PCP4L1: variants seen among roughly 807,000 people sequenced by gnomAD.
PCP4L1 encodes Purkinje cell protein 4 like 1.
In PCP4L1, 9 loss-of-function variants were observed where a neutral mutation model predicts 9.6. That is an observed-to-expected ratio of 0.94 (90% CI 0.57 to 1.64). PCP4L1 has a LOEUF of 1.64. Ranked by LOEUF, PCP4L1 falls within the 40% of genes most tolerant of loss-of-function variation. The probability of loss-of-function intolerance (pLI) is 0.00; values close to 1 mark genes in which losing one functional copy is unlikely to be tolerated. For missense variants in PCP4L1, 81 were observed against 80.8 expected (o/e 1.00, Z -0.01); for synonymous variants, 31 against 28.2 (o/e 1.10, Z -0.31).
chr1:161,280,179 T>C (rs561752572), intron 1 of PCP4L1, among the ~76,000 whole-genome samples: 56 of 152,216 alleles, frequency 3.7e-4, no homozygotes, highest in Non-Finnish European at 6.2e-4. Flanking sequence ...TCTTGGATGA[T>C]GACCTTGTTA....
chr1:161,283,129 C>T (rs936612430), intron 1 of PCP4L1, among the ~76,000 whole-genome samples: 3 of 152,152 alleles, frequency 2.0e-5, no homozygotes, highest in African/African-American at 7.2e-5. Context: ...TTTCCTCTCT[C>T]CACTCCAACT....
intron 1 of PCP4L1, among the ~76,000 whole-genome samples, chr1:161,260,146 A>G (rs1403385888): frequency 6.6e-6 from 1 of 152,200 alleles, no homozygotes; most frequent in African/African-American, 2.4e-5. Flanking sequence ...CTGAAGGAAT[A>G]GGACCCTGGA....
In PCP4L1 at chr1:161,258,837, G is replaced by T; in HGVS notation, c.-138G>T. The T allele has an allele frequency of 1.5e-6, 2 of 1,322,660 alleles. No individual in the cohort carries two copies. The highest frequency in any genetic ancestry group is 2.5e-5 in the South Asian group (2 of 78,738). 81.9% of individuals were successfully genotyped at this position (1,322,660 alleles called of 1,614,324 possible). On this transcript the variant is annotated 5_prime_UTR_variant, in exon 1 of 3. Transcript: ENST00000504449. ...GCCAGCACCAGAGCAGCGGCTCTCC[G>T]CACTAACTCTCCTCTCCTGGTCAGC...
At position 161,284,390 on chromosome 1, in the gene PCP4L1, A is replaced by C; in HGVS notation, c.116A>C (p.Asp39Ala). 6.2e-7 allele frequency: 1 copy of C among 1,613,994 alleles called. No individual in the cohort carries two copies. Among genetic ancestry groups the C allele is most frequent in the South Asian group, 1.1e-5 (1 of 91,082 alleles). ...GAGGAGGAGGAGGAGATTGACATTGATCTGACAGCACCAGAAACAGAGAAG... is the reference window on the plus strand; with the variant it reads ...GAGGAGGAGGAGGAGATTGACATTGCTCTGACAGCACCAGAAACAGAGAAG... ...KAEEEEEIDI[D>A]LTAPETEKAA... is the part of the protein sequence containing the mutation. The change falls in exon 3 of 3, where the codon GAT (aspartate) becomes GCT (alanine). Residue 39 changes from aspartate (D) to alanine (A), a missense_variant. Transcript: ENST00000504449.
intron 1 of PCP4L1, among the ~76,000 whole-genome samples, chr1:161,265,542 G>T (rs539801622): frequency 4.6e-4 from 70 of 151,998 alleles, no homozygotes; most frequent in East Asian, 5.8e-4. Flanking sequence ...AAAGCAAGAA[G>T]ATGGGGAAGG....
intron 1 of PCP4L1, among the ~76,000 whole-genome samples, chr1:161,266,648 A>G (rs1329396815): frequency 6.6e-6 from 1 of 152,030 alleles, no homozygotes; most frequent in Non-Finnish European, 1.5e-5. Flanking sequence ...TTTAGGTTCT[A>G]TTTTTGTCTC....
Position 161,258,802 on chromosome 1 carries a change from A to G in PCP4L1, c.-173A>G, listed in dbSNP as rs1045401404. On this transcript the variant is annotated 5_prime_UTR_variant, in exon 1 of 3. Coordinates refer to ENST00000504449, the MANE Select transcript of PCP4L1 (RefSeq NM_001102566.2). ...CGCCTGGCCGGAGCTGGGCTCCGAG[A>G]ATCCCGGGTGCCAGCACCAGAGCAG... The G allele has an allele frequency of 1.2e-5, 13 of 1,052,078 alleles. No individual in the cohort carries two copies. The Middle Eastern group carries it at 1.0e-3, about 84-fold the overall frequency. The allele number at this position is 1,052,078 out of a possible 1,614,324, so 65.2% of individuals were successfully genotyped here.
Position 161,284,528 on chromosome 1 carries a change from C to T in PCP4L1, c.*47C>T, listed in dbSNP as rs1347409781. Reference sequence around the variant, plus strand: ...CTTCACCTTCATGCTGGTCCCTTCTCTCCCCTTCTCCACACCCATGTATCT... The same window carrying T: ...CTTCACCTTCATGCTGGTCCCTTCTTTCCCCTTCTCCACACCCATGTATCT... On this transcript the variant is annotated 3_prime_UTR_variant, in exon 3 of 3. Transcript: ENST00000504449. 6.3e-7 allele frequency: 1 copy of T among 1,587,938 alleles called. No individual in the cohort carries two copies. Among genetic ancestry groups the T allele is most frequent in the Non-Finnish European group, 8.6e-7 (1 of 1,166,678 alleles).
intron 1 of PCP4L1, among the ~76,000 whole-genome samples, chr1:161,266,379 T>G (rs1669531327): frequency 6.6e-6 from 1 of 152,084 alleles, no homozygotes; most frequent in Non-Finnish European, 1.5e-5. Flanking sequence ...CTACTCTCTC[T>G]CCCCCATTCC....
intron 1 of PCP4L1, among the ~76,000 whole-genome samples, chr1:161,271,650 C>T (rs529927672): frequency 9.2e-5 from 14 of 152,078 alleles, no homozygotes; most frequent in South Asian, 6.2e-4. Context: ...ACTACAGGCA[C>T]GTGCCATGAC....
Position 161,285,030 on chromosome 1 carries a change from C to A in PCP4L1, c.*549C>A, listed in dbSNP as rs1003585871. 1 of 155,684 alleles carries A rather than the reference C, an allele frequency of 6.4e-6. No homozygotes were observed. The highest frequency in any genetic ancestry group is 6.2e-5 in the Admixed American group (1 of 16,016). 9.6% of individuals were successfully genotyped at this position (155,684 alleles called of 1,614,324 possible). The stretch of plus-strand genomic sequence containing the variant: ...AAGCAGCTTACCACAATAGTGCATG[C>A]TGAGTAGATTAGTTCCAAGGAAGGG... On this transcript the variant is annotated 3_prime_UTR_variant, in exon 3 of 3. Transcript: ENST00000504449.
intron 2 of PCP4L1, 80 bp from the exon 3 acceptor site, chr1:161,284,259 A>G (rs924479046): frequency 2.0e-5 from 32 of 1,591,692 alleles, no homozygotes; most frequent in Non-Finnish European, 2.6e-5. Context: ...GGTGGACCTT[A>G]CCCACTGTAT....
chr1:161,271,700 C>T (rs1669627721), intron 1 of PCP4L1, among the ~76,000 whole-genome samples: 1 of 152,144 alleles, frequency 6.6e-6, no homozygotes, highest in Non-Finnish European at 1.5e-5. Context: ...AACTGGGTTT[C>T]ACCATGTTGG....
At chr1:161,274,099 TATAATC>T (rs1669664886) in intron 1 of PCP4L1, among the ~76,000 whole-genome samples, 1 of 152,220 alleles carries the variant, frequency 6.6e-6, no homozygotes, top group Admixed American at 6.5e-5. Flanking sequence ...ATAGGGCTGT[TATAATC>T]ATTCAACGTG....
Position 161,280,235 on chromosome 1 carries a change from A to AT in PCP4L1, c.10-3432dup, listed in dbSNP as rs1460537681. Among the ~76,000 whole-genome samples, 6 of 152,240 alleles carry AT rather than the reference A, an allele frequency of 3.9e-5. No individual in the cohort carries two copies. The South Asian group carries it at 1.2e-3, about 32-fold the overall frequency. On this transcript the variant is annotated intron_variant, in intron 1 of 2. Coordinates refer to ENST00000504449, the MANE Select transcript of PCP4L1 (RefSeq NM_001102566.2). ...AGAAGCAGTTAGGGAGACCCTCCAA[A>AT]TGTTCCCTCTGCTTGCGCCAGGGCC...
chr1:161,259,320 GCTCCC>G (rs1669380458), intron 1 of PCP4L1, among the ~76,000 whole-genome samples: 1 of 152,024 alleles, frequency 6.6e-6, no homozygotes, highest in South Asian at 2.1e-4. Context: ...GATTATTCTG[GCTCCC>G]CTTACCCCCC....
chr1:161,263,249 T>G (rs12036229), intron 1 of PCP4L1, among the ~76,000 whole-genome samples: 15,909 of 130,990 alleles, frequency 0.12, 1,107 homozygotes, highest in Non-Finnish European at 0.18. Context: ...TTTTGTTTTT[T>G]TTTGGGTTGG....
At chr1:161,278,615 T>G (rs1390808451) in intron 1 of PCP4L1, among the ~76,000 whole-genome samples, 2 of 152,004 alleles carry the variant, frequency 1.3e-5, no homozygotes, top group Admixed American at 1.3e-4. Context: ...TTTAAAAACA[T>G]GACAGACCAT....
rs189194800 is a variant in PCP4L1, at chr1:161,274,017, G to A, written c.10-9651G>A. ...AGCTTTGTGGTTTGTTTGTTCTATG[G>A]CTTTGGGCAAGATAACCTCTCAACT... On this transcript the variant is annotated intron_variant, in intron 1 of 2. Transcript: ENST00000504449. Among the ~76,000 whole-genome samples the A allele has an allele frequency of 2.8e-3, 433 of 152,260 alleles. 3 individuals carry two copies. The highest frequency in any genetic ancestry group is 0.01 in the African/African-American group (423 of 41,542).
Sources: gnomAD v4.1 joint callset for allele counts (sites outside exome capture counted in the v4.1 genomes callset) on GRCh38, gnomAD v4.1.1 for gene constraint, MANE v1.5 for transcripts, NCBI Gene and HGNC (gene_info 2026-07-23, HGNC 2026-07-21) for gene names.